Variants in MELK observed in about 807,000 individuals in gnomAD.
MELK encodes the protein pEg3 kinase.
Under a neutral mutation model 85.0 loss-of-function variants are expected in MELK, and 81 were observed. The observed-to-expected ratio is 0.95, with a 90% CI of 0.80 to 1.15. The LOEUF is 1.15. Among genes scored for constraint, MELK ranks in the 50% most tolerant of loss-of-function variants. The pLI, the probability that MELK is intolerant of heterozygous loss-of-function variation, is 0.00. For synonymous variants in MELK, 252 were observed against 265.0 expected (o/e 0.95, Z 0.48); for missense variants, 754 against 777.5 (o/e 0.97, Z 0.36).
At chr9:36,618,056 G>C (rs1375809256) in intron 8 of MELK, among the ~76,000 whole-genome samples, 1 of 151,884 alleles carries the variant, frequency 6.6e-6, no homozygotes, top group Non-Finnish European at 1.5e-5. Context: ...TTGAGCCTAG[G>C]AGTTCAACGC....
At chr9:36,624,105 A>G (rs1006276259) in intron 8 of MELK, among the ~76,000 whole-genome samples, 4 of 136,112 alleles carry the variant, frequency 2.9e-5, no homozygotes, top group East Asian at 2.1e-4. Flanking sequence ...TTTTTTTGAG[A>G]TGGAGTCTCG....
Position 36,669,382 on chromosome 9 carries a change from C to T in MELK, c.1481C>T (p.Thr494Ile). 1.9e-6 allele frequency: 3 copies of T among 1,605,388 alleles called. No individual in the cohort carries two copies. The highest frequency in any genetic ancestry group is 2.2e-5 in the South Asian group (2 of 88,904). ...VNSTGTDKLM[T>I]GVISPERRCR... ...TCAACAGGAACAGACAAGTTAATGACAGGTGTCATTAGCCCTGAGAGGCGG... is the reference window on the plus strand; with the variant it reads ...TCAACAGGAACAGACAAGTTAATGATAGGTGTCATTAGCCCTGAGAGGCGG... The change falls in exon 15 of 18, where the codon ACA becomes ATA. Residue 494 changes from threonine to isoleucine, a missense_variant. Transcript: ENST00000298048.
At chr9:36,589,446 C>A in intron 3 of MELK, 90 bp from the exon 4 acceptor site, 1 of 1,061,350 alleles carries the variant, frequency 9.4e-7, no homozygotes, top group Non-Finnish European at 1.4e-6. Flanking sequence ...CGTGCCCGGC[C>A]AGCTACTTAG....
intron 5 of MELK, among the ~76,000 whole-genome samples, chr9:36,596,880 C>T (rs560896898): frequency 1.3e-3 from 198 of 152,332 alleles, no homozygotes; most frequent in African/African-American, 4.3e-3. Context: ...GCCATTGTGC[C>T]CAGCCCTTCT....
At chr9:36,618,721 G>A (rs1031143458) in intron 8 of MELK, among the ~76,000 whole-genome samples, 2 of 152,078 alleles carry the variant, frequency 1.3e-5, no homozygotes, top group Admixed American at 6.6e-5. Flanking sequence ...TCATTAAACC[G>A]TATACTATAA....
chr9:36,638,760 T>G (rs1159507190), intron 10 of MELK, among the ~76,000 whole-genome samples: 2 of 152,204 alleles, frequency 1.3e-5, no homozygotes, highest in African/African-American at 4.8e-5. Context: ...TTGTGTTAAC[T>G]CCTTTAATCC....
In MELK at chr9:36,677,519, C is replaced by T. The variant is rs1047989074; in HGVS notation, c.*182C>T. On this transcript the variant is annotated 3_prime_UTR_variant, in exon 18 of 18. Coordinates refer to ENST00000298048, the MANE Select transcript of MELK (RefSeq NM_014791.4). ...TATTATTTTGTGTATGAATCTAAAT[C>T]AAGCCCATCTGTCATTATGTTACTG... 4.0e-6 allele frequency: 2 copies of T among 500,480 alleles called. No individual in the cohort carries two copies. Among genetic ancestry groups the T allele is most frequent in the African/African-American group, 3.9e-5 (2 of 51,360 alleles). The allele number at this position is 500,480 out of a possible 1,614,324, so 31.0% of individuals were successfully genotyped here. A position where few individuals can be genotyped will look rare whatever the true frequency, so the allele number is the denominator to read the frequency against.
intron 3 of MELK, among the ~76,000 whole-genome samples, chr9:36,587,320 TTTTA>T (rs752394977): frequency 9.2e-5 from 14 of 151,480 alleles, no homozygotes; most frequent in Non-Finnish European, 2.9e-5. Flanking sequence ...TCCCTTTTTA[TTTTA>T]TTTGTTTTTC....
chr9:36,656,841 G>A (rs961253940), intron 12 of MELK, among the ~76,000 whole-genome samples: 1 of 152,026 alleles, frequency 6.6e-6, no homozygotes, highest in African/African-American at 2.4e-5. Context: ...TGGCTCCAAC[G>A]CCTGAGCTTA....
In MELK at chr9:36,594,632, G is replaced by GC. The variant is rs1564135473; in HGVS notation, c.269dup (p.Gly91TrpfsTer6). The stretch of plus-strand genomic sequence containing the variant: ...GTGATTCCATTGCTGTTGAAGTACT[G>GC]CCCTGGAGGAGAGCTGTTTGACTAT... On this transcript the variant is annotated frameshift_variant, in exon 5 of 18. Coordinates refer to ENST00000298048, the MANE Select transcript of MELK (RefSeq NM_014791.4). LOFTEE classifies it high-confidence loss of function. 6.2e-7 allele frequency: 1 copy of GC among 1,613,722 alleles called. No homozygotes were observed. Among genetic ancestry groups the GC allele is most frequent in the Middle Eastern group, 1.7e-4 (1 of 6,050 alleles).
chr9:36,649,808 C>T (rs752159828), intron 11 of MELK, among the ~76,000 whole-genome samples: 13 of 151,884 alleles, frequency 8.6e-5, no homozygotes, highest in African/African-American at 1.9e-4. Flanking sequence ...TATTCCAGGC[C>T]GGGCACTATG....
chr9:36,676,794 G>A (rs1341627279), intron 17 of MELK, among the ~76,000 whole-genome samples: 1 of 152,176 alleles, frequency 6.6e-6, no homozygotes, highest in Non-Finnish European at 1.5e-5. Context: ...TTCCTTTGTT[G>A]TGAATGTTGT....
intron 1 of MELK, among the ~76,000 whole-genome samples, chr9:36,576,291 C>T (rs751829567): frequency 2.6e-4 from 40 of 152,274 alleles, no homozygotes; most frequent in Middle Eastern, 3.4e-3. Flanking sequence ...ATGCAGATTT[C>T]GTTAGGTTAA....
At chr9:36,653,225 C>A (rs1284891158) in intron 12 of MELK, among the ~76,000 whole-genome samples, 1 of 152,162 alleles carries the variant, frequency 6.6e-6, no homozygotes, top group Admixed American at 6.5e-5. Flanking sequence ...TGGCTCACTG[C>A]AGCCTTAACC....
intron 11 of MELK, among the ~76,000 whole-genome samples, chr9:36,645,604 T>C (rs1203328439): frequency 6.6e-6 from 1 of 152,200 alleles, no homozygotes; most frequent in Non-Finnish European, 1.5e-5. Context: ...GAGTAGGTTA[T>C]AGGCTACTCA....
At position 36,670,985 on chromosome 9, in the gene MELK, T is replaced by C. The variant is rs1832833949; in HGVS notation, c.1506-13T>C. On this transcript the variant is annotated splice_polypyrimidine_tract_variant and intron_variant, in intron 15 of 17. Transcript: ENST00000298048. ...CCAGCTCTACTTGTGCCTTGTTTTA[T>C]GTTTTGTTTCAGGTGCCGCTCAGTG... 1 of 1,596,942 alleles carries C rather than the reference T, an allele frequency of 6.3e-7. No individual in the cohort carries two copies. Among genetic ancestry groups the C allele is most frequent in the Non-Finnish European group, 8.5e-7 (1 of 1,173,552 alleles).
chr9:36,639,806 A>T (rs900026053), intron 10 of MELK, among the ~76,000 whole-genome samples: 5 of 152,196 alleles, frequency 3.3e-5, no homozygotes, highest in African/African-American at 1.2e-4. Context: ...CCTTGTGGTA[A>T]AGGTACAGGC....
At chr9:36,596,416 C>T (rs868765138) in intron 5 of MELK, among the ~76,000 whole-genome samples, 2 of 151,970 alleles carry the variant, frequency 1.3e-5, no homozygotes, top group South Asian at 2.1e-4. Flanking sequence ...CCACCACGCC[C>T]GGCTAATTTT....
intron 12 of MELK, 56 bp downstream of exon 12, chr9:36,651,933 T>C: frequency 6.6e-7 from 1 of 1,506,730 alleles, no homozygotes; most frequent in Middle Eastern, 1.8e-4. Context: ...CCTGAGTGTG[T>C]ATACCACTGG....
Sources: allele counts gnomAD v4.1 joint callset (sites outside exome capture counted in the v4.1 genomes callset), GRCh38; gene constraint gnomAD v4.1.1; transcripts MANE v1.5; gene names NCBI Gene and HGNC (gene_info 2026-07-23, HGNC 2026-07-21).